The following SPOCK1 variants were observed in gnomAD, a reference collection of about 807,000 sequenced individuals.
SPOCK1 encodes the protein testican-1.
Under a neutral mutation model 55.3 loss-of-function variants are expected in SPOCK1, and 23 were observed. The observed-to-expected ratio is 0.42, with a 90% CI of 0.30 to 0.59. SPOCK1 has a LOEUF of 0.59. Among genes scored for constraint, SPOCK1 ranks in the 20% least tolerant of loss-of-function variants. SPOCK1 has a pLI of 0.22. For synonymous variants in SPOCK1, 226 were observed against 221.0 expected (o/e 1.02, Z -0.20); for missense variants, 499 against 552.5 (o/e 0.90, Z 0.97).
intron 2 of SPOCK1, among the ~76,000 whole-genome samples, chr5:137,384,586 AT>A (rs34256200): frequency 0.3 from 44,602 of 146,368 alleles, 7,114 homozygotes; most frequent in Admixed American, 0.41. Flanking sequence ...ATATGTATGT[AT>A]TTTTTTTTCC....
At chr5:137,300,301 C>T (rs1258030626) in intron 2 of SPOCK1, among the ~76,000 whole-genome samples, 1 of 152,132 alleles carries the variant, frequency 6.6e-6, no homozygotes, top group African/African-American at 2.4e-5. Context: ...GGTCTCTGAA[C>T]ATATTTATAA....
chr5:137,239,676 A>C (rs1580823605), intron 3 of SPOCK1, among the ~76,000 whole-genome samples: 1 of 152,338 alleles, frequency 6.6e-6, no homozygotes, highest in South Asian at 2.1e-4. Flanking sequence ...GGTGTGGAAA[A>C]AAAAAATTCA....
intron 9 of SPOCK1, among the ~76,000 whole-genome samples, chr5:136,983,568 T>G (rs1397663621): frequency 1.4e-5 from 2 of 145,388 alleles, no homozygotes; most frequent in Non-Finnish European, 3.0e-5. Context: ...AGATTCTCAA[T>G]CAAGGACTGC....
intron 6 of SPOCK1, among the ~76,000 whole-genome samples, chr5:137,007,471 T>C (rs1751271307): frequency 6.6e-6 from 1 of 152,150 alleles, no homozygotes; most frequent in African/African-American, 2.4e-5. Context: ...CATTAAAAAG[T>C]TGGCAAAGGA....
At chr5:137,305,429 G>C (rs61229514) in intron 2 of SPOCK1, among the ~76,000 whole-genome samples, 13,663 of 152,178 alleles carry the variant, frequency 0.09, 1,333 homozygotes, top group African/African-American at 0.24. Flanking sequence ...CATTTCCAAA[G>C]GTGGTCACAT....
At chr5:137,080,812 CAG>C (rs1752868075) in intron 5 of SPOCK1, among the ~76,000 whole-genome samples, 1 of 152,160 alleles carries the variant, frequency 6.6e-6, no homozygotes, top group Admixed American at 6.5e-5. Context: ...GTGGCTGTAT[CAG>C]AGAGAGCACT....
intron 3 of SPOCK1, among the ~76,000 whole-genome samples, chr5:137,198,338 A>G (rs1755344336): frequency 6.6e-6 from 1 of 152,242 alleles, no homozygotes; most frequent in African/African-American, 2.4e-5. Context: ...ACTGTTTAAC[A>G]AAACATATGT....
chr5:137,082,416 G>GT (rs1412904116), intron 5 of SPOCK1, among the ~76,000 whole-genome samples: 2 of 152,348 alleles, frequency 1.3e-5, no homozygotes, highest in African/African-American at 4.8e-5. Context: ...AACCAGGTGG[G>GT]TGGGGATGCT....
At chr5:137,024,238 G>C (rs1289485123) in intron 6 of SPOCK1, among the ~76,000 whole-genome samples, 2 of 141,576 alleles carry the variant, frequency 1.4e-5, no homozygotes, top group East Asian at 4.2e-4. Flanking sequence ...AGGGTGACGG[G>C]TGTAATTAAA....
intron 3 of SPOCK1, among the ~76,000 whole-genome samples, chr5:137,154,535 C>T (rs1445305449): frequency 5.3e-5 from 8 of 152,294 alleles, no homozygotes; most frequent in African/African-American, 1.9e-4. Flanking sequence ...TCCAAGAACA[C>T]ACTATTGGAC....
chr5:137,378,062 A>G (rs1751366804), intron 2 of SPOCK1, among the ~76,000 whole-genome samples: 1 of 146,954 alleles, frequency 6.8e-6, no homozygotes, highest in Non-Finnish European at 1.5e-5. Context: ...CTCCTGCCTC[A>G]GTCTCCTGAG....
intron 3 of SPOCK1, among the ~76,000 whole-genome samples, chr5:137,180,459 T>C (rs1035238273): frequency 5.3e-5 from 8 of 152,122 alleles, no homozygotes; most frequent in Admixed American, 1.3e-4. Flanking sequence ...CTCTGAGCTA[T>C]ACATTAGTAT....
intron 4 of SPOCK1, among the ~76,000 whole-genome samples, chr5:137,131,615 T>TAA (rs79028354): frequency 4.9e-5 from 7 of 141,840 alleles, no homozygotes; most frequent in East Asian, 2.1e-4. Context: ...CTCAAAAAAA[T>TAA]AAAAAAAAGA....
At chr5:137,309,436 C>A (rs2127141540) in intron 2 of SPOCK1, among the ~76,000 whole-genome samples, 1 of 152,198 alleles carries the variant, frequency 6.6e-6, no homozygotes, top group East Asian at 1.9e-4. Context: ...GAGCCCACTC[C>A]AGCTCCCTAG....
intron 3 of SPOCK1, among the ~76,000 whole-genome samples, chr5:137,186,056 A>T (rs1395748289): frequency 6.6e-6 from 1 of 152,186 alleles, no homozygotes; most frequent in Non-Finnish European, 1.5e-5. Context: ...AATCCAAAAA[A>T]ATTCCTGTCC....
intron 5 of SPOCK1, among the ~76,000 whole-genome samples, chr5:137,092,919 G>A (rs1416003120): frequency 6.6e-6 from 1 of 152,148 alleles, no homozygotes; most frequent in African/African-American, 2.4e-5. Flanking sequence ...TTTGCCGGTG[G>A]GGGCTCTGTC....
chr5:137,242,743 C>A lies in SPOCK1; in HGVS notation c.232+24267G>T, dbSNP rs577364140. ...ACAGGGTGAAACCCTGTACCCCCAACCCCCAAAAAAACCATACAGTTGTAG... is the reference window on the plus strand; with the variant it reads ...ACAGGGTGAAACCCTGTACCCCCAAACCCCAAAAAAACCATACAGTTGTAG... On this transcript the variant is annotated intron_variant, in intron 3 of 10. Transcript: ENST00000394945. Among the ~76,000 whole-genome samples, 5 of 151,924 alleles carry A rather than the reference C, an allele frequency of 3.3e-5. No homozygotes were observed. The East Asian group carries it at 9.7e-4, about 29-fold the overall frequency.
Position 136,992,467 on chromosome 5 carries a change from A to G in SPOCK1, c.706+17T>C, listed in dbSNP as rs751642613. 1.3e-6 allele frequency: 2 copies of G among 1,579,970 alleles called. No individual in the cohort carries two copies. The highest frequency in any genetic ancestry group is 1.7e-6 in the Non-Finnish European group (2 of 1,158,786). On this transcript the variant is annotated intron_variant, in intron 7 of 10. Coordinates refer to ENST00000394945, the MANE Select transcript of SPOCK1 (RefSeq NM_004598.4). ...GTCTAATAAATTGAGGAAATGTGAT[A>G]TTTAAAATGGTCTTACTGCCTTGGG...
chr5:137,031,121 C>A lies in SPOCK1; in HGVS notation c.589+36594G>T, dbSNP rs536002849. Reference sequence around the variant, plus strand: ...GTCTCACAAATAAAACTAACAATAACCACTCAAATTTGCGTGGGACTCTGT... The same window carrying A: ...GTCTCACAAATAAAACTAACAATAAACACTCAAATTTGCGTGGGACTCTGT... On this transcript the variant is annotated intron_variant, in intron 6 of 10. Transcript: ENST00000394945. 8.0e-4 allele frequency among the ~76,000 whole-genome samples: 122 copies of A among 152,294 alleles called. 2 individuals are homozygous for A. The highest frequency in any genetic ancestry group is 2.9e-3 in the African/African-American group (119 of 41,562).
Sources: gnomAD v4.1 joint callset for allele counts (sites outside exome capture counted in the v4.1 genomes callset) on GRCh38, gnomAD v4.1.1 for gene constraint, MANE v1.5 for transcripts, NCBI Gene and HGNC (gene_info 2026-07-23, HGNC 2026-07-21) for gene names.